LMBR1: variants seen among roughly 807,000 people sequenced by gnomAD.
LMBR1 encodes the protein limb development membrane protein 1, also known as limb region 1 protein homolog.
A neutral mutation model predicts 73.9 loss-of-function variants in LMBR1; 52 were observed. The ratio of observed to expected loss-of-function variants is 0.70; its 90% CI spans 0.56 to 0.89. The LOEUF (loss-of-function observed/expected upper bound fraction) is 0.89. Among genes scored for constraint, LMBR1 ranks in the 40% least tolerant of loss-of-function variants. The pLI, the probability that LMBR1 is intolerant of heterozygous loss-of-function variation, is 0.00. For synonymous variants in LMBR1, 215 were observed against 209.4 expected, an observed-to-expected ratio of 1.03 and a Z score of -0.23; for missense variants, 539 against 579.8, an observed-to-expected ratio of 0.93 and a Z score of 0.72.
intron 7 of LMBR1, among the ~76,000 whole-genome samples, chr7:156,762,756 T>C (rs1017201594): frequency 9.2e-5 from 14 of 152,120 alleles, no homozygotes; most frequent in Non-Finnish European, 2.1e-4. Context: ...GGGGTGAGGC[T>C]ATAGCATGTG....
At chr7:156,749,043 A>C (rs1820357425) in intron 9 of LMBR1, among the ~76,000 whole-genome samples, 1 of 152,198 alleles carries the variant, frequency 6.6e-6, no homozygotes. Context: ...TGACCATTTC[A>C]GATCCTTGGA....
chr7:156,722,172 C>T (rs189373827), intron 15 of LMBR1, among the ~76,000 whole-genome samples: 11 of 152,136 alleles, frequency 7.2e-5, no homozygotes, highest in Admixed American at 2.0e-4. Flanking sequence ...AGTGATGGGA[C>T]GCTGCTGGCT....
chr7:156,781,096 AT>A (rs748757490), intron 5 of LMBR1, among the ~76,000 whole-genome samples: 46 of 152,372 alleles, frequency 3.0e-4, no homozygotes, highest in Non-Finnish European at 4.7e-4. Context: ...CTTTCATTTC[AT>A]GAAACACTCA....
chr7:156,797,072 T>C (rs1830167544), intron 4 of LMBR1, among the ~76,000 whole-genome samples: 1 of 152,194 alleles, frequency 6.6e-6, no homozygotes. Context: ...TTGCCACAGC[T>C]GTAGAGCATC....
At chr7:156,824,549 G>C (rs1239172996) in intron 4 of LMBR1, among the ~76,000 whole-genome samples, 1 of 152,042 alleles carries the variant, frequency 6.6e-6, no homozygotes, top group East Asian at 1.9e-4. Flanking sequence ...AAGTAATCAC[G>C]TGTCACACAT....
At chr7:156,712,108 A>G (rs1468087652) in intron 15 of LMBR1, among the ~76,000 whole-genome samples, 1 of 152,230 alleles carries the variant, frequency 6.6e-6, no homozygotes, top group African/African-American at 2.4e-5. Context: ...CCAACAGCAG[A>G]CTGATATCCA....
intron 15 of LMBR1, 83 bp from the exon 16 acceptor site, chr7:156,688,274 C>A (rs373349829): frequency 1.2e-5 from 11 of 923,252 alleles, no homozygotes; most frequent in Middle Eastern, 6.1e-4. Flanking sequence ...CAAGTTAGAT[C>A]GAATTCTATG....
chr7:156,772,209 G>C (rs919133141), intron 5 of LMBR1, among the ~76,000 whole-genome samples: 2 of 152,180 alleles, frequency 1.3e-5, no homozygotes, highest in Non-Finnish European at 2.9e-5. Flanking sequence ...GGGAGGCAGA[G>C]GTTGCAGTGA....
chr7:156,675,552 G>C, downstream of LMBR1: 2 of 641,710 alleles, frequency 3.1e-6, no homozygotes, highest in Non-Finnish European at 5.4e-6. Flanking sequence ...AAGTAAAATA[G>C]ACATATATCT....
intron 4 of LMBR1, among the ~76,000 whole-genome samples, chr7:156,824,258 G>C (rs10265935): frequency 0.065 from 9,897 of 152,206 alleles, 363 homozygotes; most frequent in East Asian, 0.14. Context: ...GGGAGCGGTT[G>C]GTGTTGCTGT....
intron 1 of LMBR1, among the ~76,000 whole-genome samples, chr7:156,887,300 T>C (rs530492411): frequency 1.3e-5 from 2 of 152,052 alleles, no homozygotes; most frequent in Non-Finnish European, 2.9e-5. Context: ...CCGTCTCTAC[T>C]AAAAGTACAG....
chr7:156,725,891 T>C, intron 12 of LMBR1, 54 bp from the exon 13 acceptor site: 2 of 1,328,730 alleles, frequency 1.5e-6, no homozygotes, highest in Non-Finnish European at 2.1e-6. Context: ...TATATTGGTT[T>C]CCCTAAAACA....
At chr7:156,718,128 G>C (rs961551064) in intron 15 of LMBR1, among the ~76,000 whole-genome samples, 1 of 152,102 alleles carries the variant, frequency 6.6e-6, no homozygotes, top group Non-Finnish European at 1.5e-5. Flanking sequence ...GGCTAGGCAC[G>C]GTGGCTCACA....
intron 1 of LMBR1, among the ~76,000 whole-genome samples, chr7:156,842,158 C>T (rs577008873): frequency 1.3e-5 from 2 of 150,704 alleles, no homozygotes; most frequent in African/African-American, 2.4e-5. Context: ...CAGATACATA[C>T]GGAGAGTGAG....
chr7:156,676,262 T>C (rs932011058), downstream of LMBR1: 115 of 1,546,586 alleles, frequency 7.4e-5, no homozygotes, highest in Non-Finnish European at 1.0e-4. Context: ...TATATGTATA[T>C]ATATAAATAA....
chr7:156,880,398 T>C (rs1273342388), intron 1 of LMBR1, among the ~76,000 whole-genome samples: 1 of 152,052 alleles, frequency 6.6e-6, no homozygotes, highest in Non-Finnish European at 1.5e-5. Context: ...GGATTCAGTG[T>C]ATACTGCTTG....
At chr7:156,870,383 T>C (rs149247975) in intron 1 of LMBR1, among the ~76,000 whole-genome samples, 1 of 152,232 alleles carries the variant, frequency 6.6e-6, no homozygotes, top group East Asian at 1.9e-4. Context: ...TATAAAAGAA[T>C]GAAAACTGAA....
intron 1 of LMBR1, among the ~76,000 whole-genome samples, chr7:156,872,394 T>A (rs887744406): frequency 2.0e-5 from 3 of 152,058 alleles, no homozygotes; most frequent in Admixed American, 6.5e-5. Context: ...ATGCCTGTAA[T>A]CCCAGCACTT....
At chr7:156,864,153 C>CAAAAAA (rs969815088) in intron 1 of LMBR1, among the ~76,000 whole-genome samples, 38 of 120,046 alleles carry the variant, frequency 3.2e-4, no homozygotes, top group African/African-American at 9.7e-4. Context: ...CTCTGTCTCA[C>CAAAAAA]AAAAAAAATA....
Sources: gnomAD v4.1 joint callset for allele counts (sites outside exome capture counted in the v4.1 genomes callset) on GRCh38, gnomAD v4.1.1 for gene constraint, MANE v1.5 for transcripts, NCBI Gene and HGNC (gene_info 2026-07-23, HGNC 2026-07-21) for gene names.